Variants in GLIS3 observed in about 807,000 individuals in gnomAD.
The protein encoded by GLIS3 is GLIS family zinc finger 3.
A neutral mutation model predicts 78.6 loss-of-function variants in GLIS3; 53 were observed. The ratio of observed to expected loss-of-function variants is 0.67; its 90% CI spans 0.54 to 0.85. The LOEUF (loss-of-function observed/expected upper bound fraction) is 0.85. GLIS3 is among the 40% of genes least tolerant of loss of function. The pLI is 0.00. For synonymous variants in GLIS3, 684 were observed against 509.9 expected (o/e 1.34, Z -4.60); for missense variants, 1,703 against 1,231.1 (o/e 1.38, Z -5.74).
chr9:4,207,763 G>A (rs994542142), intron 2 of GLIS3, among the ~76,000 whole-genome samples: 9 of 152,136 alleles, frequency 5.9e-5, no homozygotes, highest in African/African-American at 2.2e-4. Flanking sequence ...ACCCAGAACA[G>A]GCAGCCTGGC....
intron 4 of GLIS3, among the ~76,000 whole-genome samples, chr9:4,059,161 C>A (rs1003202814): frequency 6.6e-6 from 1 of 152,146 alleles, no homozygotes; most frequent in African/African-American, 2.4e-5. Flanking sequence ...TGGGATCAGG[C>A]CTTGACCTTT....
chr9:4,385,698 GAAACAAA>G, the GLIS3 span, among the ~76,000 whole-genome samples: 1 of 108,946 alleles, frequency 9.2e-6, no homozygotes, highest in African/African-American at 4.0e-5. Context: ...AAGAAAGAAA[GAAACAAA>G]GAAAGGAGAG....
intron 4 of GLIS3, among the ~76,000 whole-genome samples, chr9:4,031,506 G>C (rs766963565): frequency 1.3e-5 from 2 of 152,158 alleles, no homozygotes; most frequent in African/African-American, 4.8e-5. Flanking sequence ...GAGAACTACC[G>C]ATTGATGGGT....
At chr9:4,114,287 T>C (rs750090153) in intron 4 of GLIS3, among the ~76,000 whole-genome samples, 1 of 152,188 alleles carries the variant, frequency 6.6e-6, no homozygotes. Flanking sequence ...AGATCTACAG[T>C]ACAAACGTTC....
Position 4,292,875 on chromosome 9 carries a change from C to T in GLIS3, c.-98-6352G>A, listed in dbSNP as rs1010562687. ...TGTGTTCTTAATATGAGTTAGCCATCAGATTCTGAAAAGAGGAATTTGAAA... is the reference window on the plus strand; with the variant it reads ...TGTGTTCTTAATATGAGTTAGCCATTAGATTCTGAAAAGAGGAATTTGAAA... On this transcript the variant is annotated intron_variant, in intron 1 of 10. Transcript: ENST00000381971. Among the ~76,000 whole-genome samples, 43 of 152,162 alleles carry T rather than the reference C, an allele frequency of 2.8e-4. 1 individual carries two copies. Among genetic ancestry groups the T allele is most frequent in the Non-Finnish European group, 1.8e-4 (12 of 68,026 alleles).
chr9:4,188,845 T>G (rs199718976), intron 2 of GLIS3, among the ~76,000 whole-genome samples: 2 of 152,226 alleles, frequency 1.3e-5, no homozygotes, highest in East Asian at 3.9e-4. Flanking sequence ...TGGTGATATC[T>G]CCTTTATTAT....
At chr9:4,379,172 C>T in the GLIS3 span, among the ~76,000 whole-genome samples, 1 of 152,138 alleles carries the variant, frequency 6.6e-6, no homozygotes, top group Non-Finnish European at 1.5e-5. Flanking sequence ...CATTTCTGTA[C>T]ATAAGGCAGT....
intron 2 of GLIS3, among the ~76,000 whole-genome samples, chr9:4,321,197 G>A (rs1277064137): frequency 2.0e-5 from 3 of 149,550 alleles, no homozygotes; most frequent in Non-Finnish European, 4.4e-5. Context: ...GAGGCGGGCG[G>A]ATCACAAGGT....
chr9:4,429,085 G>A, the GLIS3 span, among the ~76,000 whole-genome samples: 1 of 152,090 alleles, frequency 6.6e-6, no homozygotes, highest in Non-Finnish European at 1.5e-5. Flanking sequence ...TTGCTATCTT[G>A]TAAGTCAAAA....
chr9:4,155,469 T>C (rs891273298), intron 2 of GLIS3, among the ~76,000 whole-genome samples: 8 of 152,238 alleles, frequency 5.3e-5, no homozygotes, highest in Admixed American at 3.9e-4. Context: ...ACTTTTCTCT[T>C]ACCCTTTTCA....
At chr9:4,322,248 T>C (rs1434381626) in intron 2 of GLIS3, among the ~76,000 whole-genome samples, 1 of 152,220 alleles carries the variant, frequency 6.6e-6, no homozygotes, top group African/African-American at 2.4e-5. Context: ...ATGGTGTATA[T>C]GTGCCACATT....
the GLIS3 span, among the ~76,000 whole-genome samples, chr9:4,408,450 C>A: frequency 6.6e-6 from 1 of 150,580 alleles, no homozygotes; most frequent in African/African-American, 2.4e-5. Context: ...AAAAAATAGG[C>A]CGGGCACCTT....
chr9:4,484,029 T>TTTGTTG, the GLIS3 span, among the ~76,000 whole-genome samples: 4 of 152,222 alleles, frequency 2.6e-5, no homozygotes, highest in South Asian at 2.1e-4. Flanking sequence ...TGTGTTTGCT[T>TTTGTTG]TTGTTGTTGT....
chr9:4,076,974 G>C (rs1246873292), intron 4 of GLIS3, among the ~76,000 whole-genome samples: 1 of 152,182 alleles, frequency 6.6e-6, no homozygotes, highest in Non-Finnish European at 1.5e-5. Context: ...TGGGAGGATG[G>C]CTTGAGCCAG....
intron 2 of GLIS3, among the ~76,000 whole-genome samples, chr9:4,141,396 A>G (rs973027806): frequency 6.6e-6 from 1 of 152,202 alleles, no homozygotes; most frequent in Admixed American, 6.5e-5. Context: ...CCTGTGTCCA[A>G]GCAATGCACA....
chr9:4,439,117 C>G, the GLIS3 span, among the ~76,000 whole-genome samples: 1 of 152,180 alleles, frequency 6.6e-6, no homozygotes, highest in Non-Finnish European at 1.5e-5. Context: ...CTTTCTCTCT[C>G]TGTGCTGCAT....
chr9:4,188,660 G>A lies in GLIS3; in HGVS notation c.389-62719C>T, dbSNP rs1472284803. Among the ~76,000 whole-genome samples, 4 of 152,154 alleles carry A rather than the reference G, an allele frequency of 2.6e-5. 1 individual carries two copies. Among genetic ancestry groups the A allele is most frequent in the Non-Finnish European group, 5.9e-5 (4 of 68,016 alleles). On this transcript the variant is annotated intron_variant, in intron 2 of 10. Transcript: ENST00000381971. ...TTTGGTTGGTAAGCTACTGATTATT[G>A]CCTCAATTTCAGAGCCTGTTATTGG...
At chr9:4,064,275 T>C (rs915837169) in intron 4 of GLIS3, among the ~76,000 whole-genome samples, 14 of 152,080 alleles carry the variant, frequency 9.2e-5, no homozygotes, top group African/African-American at 3.1e-4. Flanking sequence ...AGAAAAATTA[T>C]AAAAGTATTA....
At position 4,233,291 on chromosome 9, in the gene GLIS3, C is replaced by T. The variant is rs955425118; in HGVS notation, c.388+52747G>A. ...TCACCACAGAAACCCTCAATCTAGG[C>T]ACTAGACAGGCCCCCTCCAAATAGG... On this transcript the variant is annotated intron_variant, in intron 2 of 10. Coordinates refer to ENST00000381971, the MANE Select transcript of GLIS3 (RefSeq NM_001042413.2). Among the ~76,000 whole-genome samples the T allele has an allele frequency of 7.9e-5, 12 of 152,198 alleles. No homozygotes were observed. In the South Asian group the frequency reaches 2.5e-3, roughly 32 times the overall value.
Sources: gnomAD v4.1 joint callset for allele counts (sites outside exome capture counted in the v4.1 genomes callset) on GRCh38, gnomAD v4.1.1 for gene constraint, MANE v1.5 for transcripts, NCBI Gene and HGNC (gene_info 2026-07-23, HGNC 2026-07-21) for gene names.